ZNF385D: variants seen among roughly 807,000 people sequenced by gnomAD.
ZNF385D encodes the protein zinc finger protein 385D.
In ZNF385D, 15 loss-of-function variants were observed where a neutral mutation model predicts 35.8. The observed-to-expected ratio is 0.42, with a 90% CI of 0.28 to 0.64. The LOEUF (loss-of-function observed/expected upper bound fraction) is 0.64. Among genes scored for constraint, ZNF385D ranks in the 30% least tolerant of loss-of-function variants. The pLI is 0.23. For synonymous variants in ZNF385D, 212 were observed against 186.8 expected (o/e 1.13, Z -1.10); for missense variants, 474 against 494.6 (o/e 0.96, Z 0.39).
At position 21,988,902 on chromosome 3, in the gene ZNF385D, G is replaced by A. The variant is rs539461935; in HGVS notation, c.325+179915C>T. On this transcript the variant is annotated intron_variant, in intron 3 of 5. Transcript: ENST00000494108. Reference sequence around the variant, plus strand: ...CGTTTTTTAAGCCGGTCTGAAAAGTGCAATATTCGGGTGGGAGTGACCCGA... The same window carrying A: ...CGTTTTTTAAGCCGGTCTGAAAAGTACAATATTCGGGTGGGAGTGACCCGA... Among the ~76,000 whole-genome samples, 941 of 152,322 alleles carry A rather than the reference G, an allele frequency of 6.2e-3. 9 individuals carry two copies. The highest frequency in any genetic ancestry group is 0.022 in the African/African-American group (901 of 41,572).
chr3:22,134,661 C>G (rs1279582535), intron 3 of ZNF385D, among the ~76,000 whole-genome samples: 1 of 152,104 alleles, frequency 6.6e-6, no homozygotes, highest in African/African-American at 2.4e-5. Flanking sequence ...AACAGAATCC[C>G]TAAGACTGTA....
intron 3 of ZNF385D, among the ~76,000 whole-genome samples, chr3:21,885,768 G>GTA: frequency 7.2e-6 from 1 of 139,294 alleles, no homozygotes; most frequent in South Asian, 2.3e-4. Flanking sequence ...GTGTGTGTGT[G>GTA]TGTGTGTGTA....
At position 22,209,361 on chromosome 3, in the gene ZNF385D, C is replaced by T. The variant is rs1014961069; in HGVS notation, c.107-40326G>A. 2.7e-4 allele frequency among the ~76,000 whole-genome samples: 41 copies of T among 151,782 alleles called. No homozygotes were observed. In the Admixed American group the frequency reaches 2.7e-3, roughly 10 times the overall value. ...AAGTAATTAAAGTGAGTGGCGAATA[C>T]AATAGGAGTTGATTCAACTGTAGAA... On this transcript the variant is annotated intron_variant, in intron 2 of 5. Transcript: ENST00000494108.
intron 2 of ZNF385D, among the ~76,000 whole-genome samples, chr3:22,198,475 A>G (rs570194586): frequency 1.3e-5 from 2 of 152,244 alleles, no homozygotes; most frequent in African/African-American, 4.8e-5. Context: ...TTGTTTATAG[A>G]AATACACTTT....
Position 21,424,005 on chromosome 3 carries a change from G to C in ZNF385D, c.912C>G (p.Tyr304Ter), listed in dbSNP as rs758858123. 6.2e-7 allele frequency: 1 copy of C among 1,607,428 alleles called. No homozygotes were observed. The highest frequency in any genetic ancestry group is 8.5e-7 in the Non-Finnish European group (1 of 1,177,942). ...TCTTCTGTAGTTTGTTGTAAGGACT[G>C]TATTTAGGTTTCGGGGGCTTCCCAG... Reference protein sequence around the residue: ...RAAGKPPKPKYSPYNKLQKTA... With the variant: ...RAAGKPPKPK The change falls in exon 7 of 8, where the codon TAC becomes TAG. Residue 304 changes from tyrosine to a stop codon, truncating the protein, a stop_gained. Coordinates refer to ENST00000281523, the MANE Select transcript of ZNF385D (RefSeq NM_024697.3). LOFTEE classifies it high-confidence loss of function.
intron 2 of ZNF385D, among the ~76,000 whole-genome samples, chr3:22,171,572 G>A (rs1264476205): frequency 6.6e-6 from 1 of 152,088 alleles, no homozygotes; most frequent in African/African-American, 2.4e-5. Context: ...GCTGGGGTAG[G>A]ACATCATAAA....
intron 3 of ZNF385D, among the ~76,000 whole-genome samples, chr3:22,026,682 G>C (rs188205508): frequency 6.6e-6 from 1 of 152,296 alleles, no homozygotes; most frequent in East Asian, 1.9e-4. Flanking sequence ...CTGAGCGGTA[G>C]AGTGAGGGTT....
chr3:21,643,526 G>A (rs1032146400), intron 2 of ZNF385D, among the ~76,000 whole-genome samples: 3 of 152,100 alleles, frequency 2.0e-5, no homozygotes, highest in Non-Finnish European at 4.4e-5. Flanking sequence ...ATGAGAGGTA[G>A]GGGAGATCTA....
In ZNF385D at chr3:21,725,013, G is replaced by T. The variant is rs151090157; in HGVS notation, c.22+25882C>A. 2.0e-3 allele frequency among the ~76,000 whole-genome samples: 297 copies of T among 152,088 alleles called. 2 individuals are homozygous for T. The highest frequency in any genetic ancestry group is 2.9e-3 in the Non-Finnish European group (197 of 67,936). Reference sequence around the variant, plus strand: ...GACCACAGTGCAATCAAATTAGTACGCAGGATTAAGAAACTCACTCAAAAC... The same window carrying T: ...GACCACAGTGCAATCAAATTAGTACTCAGGATTAAGAAACTCACTCAAAAC... On this transcript the variant is annotated intron_variant, in intron 1 of 7. Coordinates refer to ENST00000281523, the MANE Select transcript of ZNF385D (RefSeq NM_024697.3).
chr3:21,686,336 T>C (rs1264524007), intron 1 of ZNF385D, among the ~76,000 whole-genome samples: 1 of 152,126 alleles, frequency 6.6e-6, no homozygotes, highest in African/African-American at 2.4e-5. Context: ...TAAAAAGATA[T>C]AAATATTGTA....
intron 1 of ZNF385D, among the ~76,000 whole-genome samples, chr3:21,747,626 C>T (rs919965173): frequency 6.6e-6 from 1 of 152,282 alleles, no homozygotes; most frequent in African/African-American, 2.4e-5. Context: ...TTCAAACATA[C>T]GGTGCTTAGA....
At chr3:22,174,103 T>A (rs1470721819) in intron 2 of ZNF385D, among the ~76,000 whole-genome samples, 2 of 152,012 alleles carry the variant, frequency 1.3e-5, no homozygotes, top group African/African-American at 4.8e-5. Flanking sequence ...AACTTCATAT[T>A]TGCTTTAGTG....
At chr3:21,567,077 A>C (rs2063174319) in intron 2 of ZNF385D, among the ~76,000 whole-genome samples, 1 of 151,918 alleles carries the variant, frequency 6.6e-6, no homozygotes, top group African/African-American at 2.4e-5. Flanking sequence ...GATGCACTAC[A>C]TGTATTTATC....
chr3:22,306,439 G>A (rs542312061), intron 2 of ZNF385D, among the ~76,000 whole-genome samples: 1 of 151,824 alleles, frequency 6.6e-6, no homozygotes, highest in African/African-American at 2.4e-5. Context: ...TACTGAAGCT[G>A]GTCTATTTTC....
At chr3:21,849,605 C>CTTTTTTTTTTTTTT (rs3073866) in intron 3 of ZNF385D, 1 of 108,202 alleles carries the variant, frequency 9.2e-6, no homozygotes, top group Non-Finnish European at 1.8e-5. Flanking sequence ...AAACCCATTT[C>CTTTTTTTTTTTTTT]TTTTTTTTTT....
At chr3:21,680,086 A>G (rs1269959358) in intron 1 of ZNF385D, among the ~76,000 whole-genome samples, 1 of 152,068 alleles carries the variant, frequency 6.6e-6, no homozygotes, top group Non-Finnish European at 1.5e-5. Context: ...GAGTCACACT[A>G]ATTCACTTCC....
chr3:21,678,755 G>T (rs1403419420), intron 1 of ZNF385D, among the ~76,000 whole-genome samples: 1 of 151,988 alleles, frequency 6.6e-6, no homozygotes, highest in African/African-American at 2.4e-5. Context: ...TCTGAAATTG[G>T]CCCTGCATTT....
intron 2 of ZNF385D, among the ~76,000 whole-genome samples, chr3:22,303,452 T>C (rs1703027525): frequency 6.6e-6 from 1 of 152,186 alleles, no homozygotes; most frequent in Admixed American, 6.6e-5. Flanking sequence ...GAGAGGTATT[T>C]GCTTTACAAC....
At chr3:22,368,719 A>G (rs1175749499) in intron 2 of ZNF385D, among the ~76,000 whole-genome samples, 2 of 152,086 alleles carry the variant, frequency 1.3e-5, no homozygotes, top group Non-Finnish European at 2.9e-5. Flanking sequence ...CAGGGGCTCT[A>G]CCCTTATAAC....
Sources: allele counts gnomAD v4.1 joint callset (sites outside exome capture counted in the v4.1 genomes callset), GRCh38; gene constraint gnomAD v4.1.1; transcripts MANE v1.5; gene names NCBI Gene and HGNC (gene_info 2026-07-23, HGNC 2026-07-21).